STK3: variants seen among roughly 807,000 people sequenced by gnomAD.
The protein encoded by STK3 is serine/threonine-protein kinase 3.
A neutral mutation model predicts 58.0 loss-of-function variants in STK3; 41 were observed. The observed-to-expected ratio is 0.71, with a 90% CI of 0.55 to 0.92. STK3 has a LOEUF of 0.92. Ranked by LOEUF, STK3 falls within the 40% of genes least tolerant of loss-of-function variation. The probability of loss-of-function intolerance (pLI) is 0.00; values close to 1 mark genes in which losing one functional copy is unlikely to be tolerated. For missense variants in STK3, 479 were observed against 602.7 expected (o/e 0.79, Z 2.15); for synonymous variants, 170 against 191.0 (o/e 0.89, Z 0.91).
intron 6 of STK3, among the ~76,000 whole-genome samples, chr8:98,653,125 A>G (rs1821106497): frequency 6.6e-6 from 1 of 152,208 alleles, no homozygotes; most frequent in Non-Finnish European, 1.5e-5. Context: ...AAATTATAAC[A>G]AACTGTCTCT....
intron 4 of STK3, among the ~76,000 whole-genome samples, chr8:98,747,109 A>AAAAAAACAC (rs1829694964): frequency 6.7e-6 from 1 of 149,808 alleles, no homozygotes; most frequent in Non-Finnish European, 1.5e-5. Flanking sequence ...AAAAAAAAAG[A>AAAAAAACAC]CATTATCATC....
intron 10 of STK3, among the ~76,000 whole-genome samples, chr8:98,456,300 A>C (rs1386722208): frequency 1.3e-5 from 2 of 152,346 alleles, no homozygotes; most frequent in African/African-American, 4.8e-5. Flanking sequence ...TACAAAGACA[A>C]ATCCACCACT....
At chr8:98,627,499 A>G (rs957439593) in intron 6 of STK3, among the ~76,000 whole-genome samples, 1 of 150,770 alleles carries the variant, frequency 6.6e-6, no homozygotes, top group Non-Finnish European at 1.5e-5. Flanking sequence ...GAAAAAAGAA[A>G]AAAAAAAAAA....
intron 6 of STK3, among the ~76,000 whole-genome samples, chr8:98,621,560 G>A (rs1311711914): frequency 3.3e-5 from 5 of 152,118 alleles, no homozygotes; most frequent in Non-Finnish European, 7.4e-5. Context: ...TCATCAAATT[G>A]AAGAAGTTAT....
At chr8:98,650,515 C>T (rs1310079894) in intron 6 of STK3, among the ~76,000 whole-genome samples, 4 of 152,174 alleles carry the variant, frequency 2.6e-5, no homozygotes, top group South Asian at 2.1e-4. Context: ...GCGCACCATG[C>T]GCGAGCCAAA....
At chr8:98,690,164 A>T (rs1824293948) in intron 6 of STK3, among the ~76,000 whole-genome samples, 1 of 152,180 alleles carries the variant, frequency 6.6e-6, no homozygotes, top group African/African-American at 2.4e-5. Flanking sequence ...TACCATTCCT[A>T]TCCATTATGT....
At chr8:98,450,607 A>C (rs901557495), downstream of STK3, among the ~76,000 whole-genome samples, 1 of 152,208 alleles carries the variant, frequency 6.6e-6, no homozygotes, top group African/African-American at 2.4e-5. Context: ...GACTGATAAG[A>C]GAGAATATAA....
intron 1 of STK3, among the ~76,000 whole-genome samples, chr8:98,931,804 A>G (rs1452076024): frequency 1.3e-5 from 2 of 152,210 alleles, no homozygotes; most frequent in East Asian, 1.9e-4. Context: ...AAGAGCCCCA[A>G]CTGTGGTTAA....
chr8:98,431,309 G>A (rs1296847302), intron 3 of STK3: 1 of 167,122 alleles, frequency 6.0e-6, no homozygotes, highest in Non-Finnish European at 1.5e-5. Flanking sequence ...CTGGAGGCTT[G>A]TGGGAGGCTG....
At chr8:98,861,837 C>T (rs992795968) in intron 3 of STK3, among the ~76,000 whole-genome samples, 2 of 152,150 alleles carry the variant, frequency 1.3e-5, no homozygotes, top group African/African-American at 4.8e-5. Flanking sequence ...CATTCACAGC[C>T]TTGTGAACCA....
chr8:98,539,377 A>T (rs1164148998), intron 9 of STK3, among the ~76,000 whole-genome samples: 1 of 152,152 alleles, frequency 6.6e-6, no homozygotes, highest in Non-Finnish European at 1.5e-5. Context: ...AACAAAACAA[A>T]TTGCCTCATA....
intron 3 of STK3, among the ~76,000 whole-genome samples, chr8:98,395,831 A>C (rs747348718): frequency 1.3e-5 from 2 of 152,234 alleles, no homozygotes; most frequent in South Asian, 4.1e-4. Flanking sequence ...GAATATCACA[A>C]TGTTGCAAAT....
In STK3 at chr8:98,481,522, A is replaced by G. The variant is rs565144145; in HGVS notation, c.1318-25522T>C. Among the ~76,000 whole-genome samples, 7 of 152,318 alleles carry G rather than the reference A, an allele frequency of 4.6e-5. No individual in the cohort carries two copies. In the South Asian group the frequency reaches 1.4e-3, roughly 32 times the overall value. ...AACCAAATACTGCATGTTTTTACTT[A>G]TAAGTGGGAGCTAAGCTACGGATAT... is the stretch of plus-strand genomic sequence containing the variant. On this transcript the variant is annotated intron_variant, in intron 10 of 10. Coordinates refer to ENST00000419617, the MANE Select transcript of STK3 (RefSeq NM_006281.4).
chr8:98,738,715 C>A (rs948066545), intron 4 of STK3, among the ~76,000 whole-genome samples: 17 of 152,184 alleles, frequency 1.1e-4, no homozygotes, highest in African/African-American at 4.1e-4. Context: ...GTTCATCTCA[C>A]TAGAGAGTGC....
intron 1 of STK3, among the ~76,000 whole-genome samples, chr8:98,886,145 C>T (rs1163688324): frequency 6.6e-6 from 1 of 152,064 alleles, no homozygotes; most frequent in African/African-American, 2.4e-5. Context: ...GGTGGTTACC[C>T]ATGTCTACAC....
intron 3 of STK3, among the ~76,000 whole-genome samples, chr8:98,421,758 A>C (rs1222178363): frequency 6.6e-6 from 1 of 152,130 alleles, no homozygotes; most frequent in African/African-American, 2.4e-5. Flanking sequence ...CCTGGGTGAC[A>C]GAGGAAGACT....
intron 1 of STK3, among the ~76,000 whole-genome samples, chr8:98,898,161 G>T (rs987013403): frequency 2.0e-5 from 3 of 152,270 alleles, no homozygotes; most frequent in Admixed American, 2.0e-4. Flanking sequence ...GTCCCTAGCT[G>T]TATTCTGAGT....
intron 1 of STK3, among the ~76,000 whole-genome samples, chr8:98,441,190 C>T (rs1818682812): frequency 6.6e-6 from 1 of 152,216 alleles, no homozygotes; most frequent in Non-Finnish European, 1.5e-5. Context: ...AACTCAGTCC[C>T]TGCTCCAGAG....
At chr8:98,462,913 T>C (rs1048309833) in intron 10 of STK3, 2 of 151,712 alleles carry the variant, frequency 1.3e-5, no homozygotes, top group Non-Finnish European at 2.9e-5. Flanking sequence ...ATTGCCAGAA[T>C]TGTTTTTCTG....
Sources: allele counts gnomAD v4.1 joint callset (sites outside exome capture counted in the v4.1 genomes callset), GRCh38; gene constraint gnomAD v4.1.1; transcripts MANE v1.5; gene names NCBI Gene and HGNC (gene_info 2026-07-23, HGNC 2026-07-21).